The following ZNF737 variants were observed in gnomAD, a reference collection of about 807,000 sequenced individuals.
The protein encoded by ZNF737 is zinc finger protein 102 (Y3).
In ZNF737, 13 loss-of-function variants were observed where a neutral mutation model predicts 11.7. That is an observed-to-expected ratio of 1.11 (90% CI 0.73 to 1.77). The LOEUF is 1.77. Ranked by LOEUF, ZNF737 falls within the 40% of genes most tolerant of loss-of-function variation. ZNF737 has a pLI of 0.00. For missense variants in ZNF737, 636 were observed against 638.0 expected, an observed-to-expected ratio of 1.00 and a Z score of 0.03; for synonymous variants, 217 against 216.2, an observed-to-expected ratio of 1.00 and a Z score of -0.03.
downstream of ZNF737, among the ~76,000 whole-genome samples, chr19:20,531,456 A>AGATT (rs1967826720): frequency 6.7e-6 from 1 of 148,282 alleles, no homozygotes; most frequent in South Asian, 2.2e-4. Flanking sequence ...TCATTTTGTT[A>AGATT]GTTTGTTTTG....
rs782491922 is a variant in ZNF737 at position 20,545,366 on chromosome 19, A to G, written c.837T>C (p.His279=). ...CACATTTGTAGGGTTTCTCTCCAGT[A>G]TGAATTATCTTATGTGTAGTAAGGT... ...SSNLTTHKII[H]TGEKPYKCEE... is the part of the protein sequence containing the mutation. Residue 279 remains histidine, a synonymous_variant, in exon 4 of 4, where the codon CAT becomes CAC. Transcript: ENST00000427401. The G allele has an allele frequency of 9.9e-6, 16 of 1,613,768 alleles. No homozygotes were observed. The highest frequency in any genetic ancestry group is 1.4e-5 in the Non-Finnish European group (16 of 1,179,958).
rs1341470251 is a variant in ZNF737, at chr19:20,539,639, TTACAG to T, written c.*4948_*4952del. 1.1e-4 allele frequency: 105 copies of T among 943,276 alleles called. No homozygotes were observed. Among genetic ancestry groups the T allele is most frequent in the Non-Finnish European group, 1.2e-4 (98 of 791,762 alleles). The allele number at this position is 943,276 out of a possible 1,614,324, so 58.4% of individuals were successfully genotyped here. A position where few individuals can be genotyped will look rare whatever the true frequency, so the allele number is the denominator to read the frequency against. On this transcript the variant is annotated 3_prime_UTR_variant, in exon 4 of 4. Coordinates refer to ENST00000427401, the MANE Select transcript of ZNF737 (RefSeq NM_001159293.2). ...AATGTGTTTACAGTTTAATCTTGTATTACAGTATAGTAGAATCCTCTATAATTAGA... is the reference window on the plus strand; with the variant it reads ...AATGTGTTTACAGTTTAATCTTGTATTATAGTAGAATCCTCTATAATTAGA...
rs1455940136 is a variant in ZNF737 at position 20,540,292 on chromosome 19, C to T, written c.*4300G>A. On this transcript the variant is annotated 3_prime_UTR_variant, in exon 4 of 4. Transcript: ENST00000427401. ...AGTTTAGCACAATCAGGATAATCTC[C>T]ATTTTGATAAACACAAAGTCTACGG... The T allele has an allele frequency of 3.3e-6, 1 of 307,342 alleles. No homozygotes were observed. The highest frequency in any genetic ancestry group is 2.3e-5 in the African/African-American group (1 of 44,076). The allele number at this position is 307,342 out of a possible 1,614,324, so 19.0% of individuals were successfully genotyped here.
At chr19:20,530,600 C>T in the ZNF737 span, among the ~76,000 whole-genome samples, 2 of 148,074 alleles carry the variant, frequency 1.4e-5, no homozygotes, top group Non-Finnish European at 3.0e-5. Flanking sequence ...GGGTCGTGGC[C>T]GGGCCGAGGT....
At position 20,544,159 on chromosome 19, in the gene ZNF737, G is replaced by C. The variant is rs890027059; in HGVS notation, c.*433C>G. ...AAAAAATATTGAAAACTTGTTATAG[G>C]ATTTGCCACATTCCTCAAACTTGTA... is the stretch of plus-strand genomic sequence containing the variant. On this transcript the variant is annotated 3_prime_UTR_variant, in exon 4 of 4. Transcript: ENST00000427401. 45 of 1,007,450 alleles carry C rather than the reference G, an allele frequency of 4.5e-5. No individual in the cohort carries two copies. The highest frequency in any genetic ancestry group is 4.9e-5 in the Non-Finnish European group (41 of 843,496). 62.4% of individuals were successfully genotyped at this position (1,007,450 alleles called of 1,614,324 possible). A position where few individuals can be genotyped will look rare whatever the true frequency, so the allele number is the denominator to read the frequency against.
rs1187723998 is a variant in ZNF737 at position 20,545,667 on chromosome 19, C to T, written c.536G>A (p.Gly179Asp). The change falls in exon 4 of 4, where the codon GGC (glycine) becomes GAC (aspartate). Residue 179 changes from glycine to aspartate, a missense_variant. By Grantham distance (94) the Gly-to-Asp change is moderately conservative. Transcript: ENST00000427401. ...GGTTGAAGACTGGTTAAAAGCTTTG[C>T]CACATTCTATACATTTGAAAGGTTT... is the stretch of plus-strand genomic sequence containing the variant. ...GKKPFKCIEC[G>D]KAFNQSSTLT... 1.3e-5 allele frequency: 21 copies of T among 1,613,704 alleles called. No individual in the cohort carries two copies. Among genetic ancestry groups the T allele is most frequent in the Non-Finnish European group, 1.8e-5 (21 of 1,179,876 alleles).
At position 20,539,271 on chromosome 19, in the gene ZNF737, C is replaced by CAA. The variant is rs1251683702; in HGVS notation, c.*5320_*5321insTT. 2.1e-6 allele frequency: 2 copies of CAA among 960,238 alleles called. No individual in the cohort carries two copies. The highest frequency in any genetic ancestry group is 3.6e-5 in the African/African-American group (2 of 56,186). 59.5% of individuals were successfully genotyped at this position (960,238 alleles called of 1,614,324 possible). A position where few individuals can be genotyped will look rare whatever the true frequency, so the allele number is the denominator to read the frequency against. ...TACCATTGCAGTGCAGCGTGAGTGA[C>CAA]AGAGTGAGAATCCTTCTAAAAAAAA... On this transcript the variant is annotated 3_prime_UTR_variant, in exon 4 of 4. Transcript: ENST00000427401.
chr19:20,548,968 A>AAAAAAAAC (rs1328236778), intron 3 of ZNF737, among the ~76,000 whole-genome samples: 7 of 115,494 alleles, frequency 6.1e-5, no homozygotes, highest in Non-Finnish European at 1.1e-4. Context: ...AACTGAAAAA[A>AAAAAAAAC]AAAAAAAAAA....
chr19:20,565,135 A>T (rs1169152517), intron 1 of ZNF737, among the ~76,000 whole-genome samples: 46 of 152,202 alleles, frequency 3.0e-4, no homozygotes, highest in African/African-American at 8.9e-4. Flanking sequence ...GGGTTTCCCC[A>T]TTTGGGCCAG....
chr19:20,558,589 G>A (rs947651592), intron 1 of ZNF737, among the ~76,000 whole-genome samples: 1 of 151,942 alleles, frequency 6.6e-6, no homozygotes, highest in Non-Finnish European at 1.5e-5. Flanking sequence ...TACCATCCAA[G>A]TACTAGGAAA....
At chr19:20,548,615 G>A (rs782224990) in intron 3 of ZNF737, among the ~76,000 whole-genome samples, 2 of 151,914 alleles carry the variant, frequency 1.3e-5, no homozygotes, top group African/African-American at 2.4e-5. Flanking sequence ...TGACTGAAAT[G>A]AACAGCTTTT....
At chr19:20,548,947 T>A (rs1298739228) in intron 3 of ZNF737, among the ~76,000 whole-genome samples, 2 of 102,152 alleles carry the variant, frequency 2.0e-5, no homozygotes, top group African/African-American at 9.5e-5. Flanking sequence ...AAGCAATTTT[T>A]TTTAAAGAAA....
At chr19:20,531,101 G>T (rs1322555540), downstream of ZNF737, among the ~76,000 whole-genome samples, 3 of 146,360 alleles carry the variant, frequency 2.0e-5, no homozygotes, top group Non-Finnish European at 1.5e-5. Context: ...GGCGGCGCGC[G>T]CCTGCAATCG....
chr19:20,536,606 G>A (rs935415756), downstream of ZNF737, among the ~76,000 whole-genome samples: 4 of 151,976 alleles, frequency 2.6e-5, no homozygotes, highest in Admixed American at 6.6e-5. Context: ...TCAGGAGCTC[G>A]AGACCAGCCT....
chr19:20,564,658 A>AT (rs1337816868), intron 1 of ZNF737, among the ~76,000 whole-genome samples: 11 of 152,114 alleles, frequency 7.2e-5, no homozygotes, highest in Non-Finnish European at 1.6e-4. Flanking sequence ...CTCAAAAAAA[A>AT]AAAAATAAAA....
In ZNF737 at chr19:20,545,571, T is replaced by G; in HGVS notation, c.632A>C (p.Asn211Thr). The change falls in exon 4 of 4, where the codon AAC becomes ACC. Residue 211 changes from asparagine (N) to threonine (T), a missense_variant. Physicochemically the swap from Asn to Thr is moderately conservative, Grantham distance 65. Transcript: ENST00000427401. Reference protein sequence around the residue: ...FKCEECGKAFNWSSHLTTHKR... With the variant: ...FKCEECGKAFTWSSHLTTHKR... The stretch of plus-strand genomic sequence containing the variant: ...ATGTGTAGTAAGGTGTGAGGACCAG[T>G]TGAAGGCTTTGCCACATTCTTCACA... 1 of 1,613,842 alleles carries G rather than the reference T, an allele frequency of 6.2e-7. No individual in the cohort carries two copies. Among genetic ancestry groups the G allele is most frequent in the Non-Finnish European group, 8.5e-7 (1 of 1,179,864 alleles).
rs1274274409 is a variant in ZNF737, at chr19:20,542,242, T to G, written c.*2350A>C. The stretch of plus-strand genomic sequence containing the variant: ...CAAATAATCTAACAAACTTTTTTTT[T>G]TTTGAGACAGAGTTTTGCTCTTGTT... On this transcript the variant is annotated 3_prime_UTR_variant, in exon 4 of 4. Coordinates refer to ENST00000427401, the MANE Select transcript of ZNF737 (RefSeq NM_001159293.2). 2.1e-6 allele frequency: 2 copies of G among 969,684 alleles called. No homozygotes were observed. The highest frequency in any genetic ancestry group is 3.5e-5 in the African/African-American group (2 of 56,790). The allele number at this position is 969,684 out of a possible 1,614,324, so 60.1% of individuals were successfully genotyped here. A position where few individuals can be genotyped will look rare whatever the true frequency, so the allele number is the denominator to read the frequency against.
intron 1 of ZNF737, among the ~76,000 whole-genome samples, chr19:20,562,855 C>T (rs2336349): frequency 0.31 from 47,232 of 151,944 alleles, 8,984 homozygotes; most frequent in Non-Finnish European, 0.42. Context: ...CATACAACCC[C>T]ATTTTATGTC....
At chr19:20,564,280 G>C (rs2144713320) in intron 1 of ZNF737, 1 of 152,280 alleles carries the variant, frequency 6.6e-6, no homozygotes, top group South Asian at 2.1e-4. Context: ...AACTCAACAG[G>C]ATATAGAACT....
Sources: allele counts gnomAD v4.1 joint callset (sites outside exome capture counted in the v4.1 genomes callset), GRCh38; gene constraint gnomAD v4.1.1; transcripts MANE v1.5; gene names NCBI Gene and HGNC (gene_info 2026-07-23, HGNC 2026-07-21).